Variants in AGBL4 observed in about 807,000 individuals in gnomAD.
AGBL4 encodes AGBL carboxypeptidase 4, also known as cytosolic carboxypeptidase 6.
Under a neutral mutation model 66.4 loss-of-function variants are expected in AGBL4, and 58 were observed. The ratio of observed to expected loss-of-function variants is 0.87; its 90% CI spans 0.71 to 1.09. The LOEUF (loss-of-function observed/expected upper bound fraction) is 1.09. Ranked by LOEUF, AGBL4 falls within the 50% of genes least tolerant of loss-of-function variation. The pLI, the probability that AGBL4 is intolerant of heterozygous loss-of-function variation, is 0.00. For synonymous variants in AGBL4, 234 were observed against 222.9 expected, an observed-to-expected ratio of 1.05 and a Z score of -0.44; for missense variants, 579 against 631.0, an observed-to-expected ratio of 0.92 and a Z score of 0.88.
chr1:49,075,929 A>T (rs1344701978), intron 4 of AGBL4, among the ~76,000 whole-genome samples: 3 of 152,222 alleles, frequency 2.0e-5, no homozygotes, highest in African/African-American at 7.2e-5. Flanking sequence ...AGAAATCAAC[A>T]AACTGTTGGG....
intron 5 of AGBL4, among the ~76,000 whole-genome samples, chr1:48,888,199 A>C (rs1435467807): frequency 6.6e-6 from 1 of 152,168 alleles, no homozygotes; most frequent in African/African-American, 2.4e-5. Context: ...AGGTCTTTAC[A>C]ATTCCAAAAT....
intron 6 of AGBL4, among the ~76,000 whole-genome samples, chr1:48,835,866 C>A (rs1467099848): frequency 1.3e-5 from 2 of 151,988 alleles, no homozygotes; most frequent in East Asian, 3.9e-4. Context: ...ATGTAAATCA[C>A]AGAAATTGGA....
intron 3 of AGBL4, among the ~76,000 whole-genome samples, chr1:49,490,981 A>G (rs1467407131): frequency 3.3e-5 from 5 of 151,738 alleles, no homozygotes; most frequent in Admixed American, 6.6e-5. Context: ...GAAAGAAAAA[A>G]TATCTACCTT....
At chr1:48,837,674 A>ACACACACACACG in intron 6 of AGBL4, among the ~76,000 whole-genome samples, 1 of 138,762 alleles carries the variant, frequency 7.2e-6, no homozygotes, top group African/African-American at 2.6e-5. Context: ...ACACACACAC[A>ACACACACACACG]CACACACACA....
rs144888154 is a variant in AGBL4, at chr1:49,471,674, A to G, written c.282+225639T>C. Among the ~76,000 whole-genome samples, 296 of 152,046 alleles carry G rather than the reference A, an allele frequency of 1.9e-3. 3 individuals are homozygous for G. Among genetic ancestry groups the G allele is most frequent in the Middle Eastern group, 3.4e-3 (1 of 294 alleles). On this transcript the variant is annotated intron_variant, in intron 3 of 13. Coordinates refer to ENST00000371839, the MANE Select transcript of AGBL4 (RefSeq NM_032785.4). Reference sequence around the variant, plus strand: ...TACAAACAAACAAAAGCCAACAAAAATCTGTTCCCTAGACAAAGGATCAGG... The same window carrying G: ...TACAAACAAACAAAAGCCAACAAAAGTCTGTTCCCTAGACAAAGGATCAGG...
chr1:49,604,022 G>A (rs1645018812), intron 3 of AGBL4, among the ~76,000 whole-genome samples: 1 of 151,062 alleles, frequency 6.6e-6, no homozygotes, highest in Non-Finnish European at 1.5e-5. Flanking sequence ...ACGGTGAATT[G>A]TGCTGTAATA....
intron 3 of AGBL4, among the ~76,000 whole-genome samples, chr1:49,619,403 AACTT>A (rs1210438024): frequency 6.6e-6 from 1 of 152,160 alleles, no homozygotes; most frequent in Non-Finnish European, 1.5e-5. Flanking sequence ...CTAGGAATCC[AACTT>A]ACAAGGGATG....
At chr1:49,741,800 C>G (rs1334668244) in intron 2 of AGBL4, among the ~76,000 whole-genome samples, 1 of 152,102 alleles carries the variant, frequency 6.6e-6, no homozygotes, top group Non-Finnish European at 1.5e-5. Context: ...AGACAAAAAC[C>G]ATATGATTAT....
intron 5 of AGBL4, among the ~76,000 whole-genome samples, chr1:49,045,188 C>A (rs539435706): frequency 1.3e-5 from 2 of 152,298 alleles, no homozygotes; most frequent in South Asian, 4.1e-4. Context: ...ATGTATTCTT[C>A]CTATCAGAGG....
intron 4 of AGBL4, among the ~76,000 whole-genome samples, chr1:49,048,706 A>C (rs1273951003): frequency 1.3e-5 from 2 of 151,940 alleles, no homozygotes; most frequent in East Asian, 3.9e-4. Flanking sequence ...CATTGTGTTA[A>C]GTGTTTTATA....
At chr1:48,928,591 G>T (rs1318054920) in intron 5 of AGBL4, among the ~76,000 whole-genome samples, 3 of 152,056 alleles carry the variant, frequency 2.0e-5, no homozygotes, top group African/African-American at 7.3e-5. Context: ...GAGAAGCAGG[G>T]GAGGACTGGA....
Position 49,426,520 on chromosome 1 carries a change from G to A in AGBL4, c.283-180656C>T, listed in dbSNP as rs927363924. On this transcript the variant is annotated intron_variant, in intron 3 of 13. Transcript: ENST00000371839. ...CAATAATATTAATAATAATTAATAA[G>A]AGCAATAGCTTCTGCCTATTTAATA... Among the ~76,000 whole-genome samples the A allele has an allele frequency of 4.6e-5, 7 of 152,162 alleles. No homozygotes were observed. In the South Asian group the frequency reaches 1.2e-3, roughly 27 times the overall value.
At chr1:48,868,278 C>T (rs1261245532) in intron 5 of AGBL4, among the ~76,000 whole-genome samples, 1 of 152,204 alleles carries the variant, frequency 6.6e-6, no homozygotes, top group East Asian at 1.9e-4. Context: ...ACCTCCCCTG[C>T]ATTTCCCTCT....
intron 6 of AGBL4, among the ~76,000 whole-genome samples, chr1:48,692,176 G>T (rs896330867): frequency 2.0e-5 from 3 of 152,210 alleles, no homozygotes; most frequent in African/African-American, 7.2e-5. Flanking sequence ...GAGATACAGG[G>T]GGAAGGGTGT....
intron 1 of AGBL4, among the ~76,000 whole-genome samples, chr1:50,022,857 C>A (rs1662553575): frequency 6.6e-6 from 1 of 152,168 alleles, no homozygotes; most frequent in South Asian, 2.1e-4. Flanking sequence ...GGCAAACTCC[C>A]TCCCACATAC....
At chr1:49,562,486 T>C (rs1211861522) in intron 3 of AGBL4, among the ~76,000 whole-genome samples, 1 of 152,194 alleles carries the variant, frequency 6.6e-6, no homozygotes, top group Non-Finnish European at 1.5e-5. Flanking sequence ...AATTTTTGTA[T>C]AAGGTGTAAG....
At chr1:49,006,307 T>C (rs1037715290) in intron 5 of AGBL4, among the ~76,000 whole-genome samples, 1 of 152,042 alleles carries the variant, frequency 6.6e-6, no homozygotes, top group Non-Finnish European at 1.5e-5. Flanking sequence ...CCGAATACTG[T>C]GCTTTTCCAA....
chr1:49,355,529 C>G (rs1644001818), intron 3 of AGBL4, among the ~76,000 whole-genome samples: 1 of 152,086 alleles, frequency 6.6e-6, no homozygotes, highest in African/African-American at 2.4e-5. Context: ...CCCAATCCCC[C>G]CAACATGAAA....
At chr1:49,485,712 T>A (rs1199295313) in intron 3 of AGBL4, among the ~76,000 whole-genome samples, 1 of 151,560 alleles carries the variant, frequency 6.6e-6, no homozygotes, top group Non-Finnish European at 1.5e-5. Flanking sequence ...TGAAATAAGC[T>A]AAGCACAGAA....
Sources: gnomAD v4.1 joint callset for allele counts (sites outside exome capture counted in the v4.1 genomes callset) on GRCh38, gnomAD v4.1.1 for gene constraint, MANE v1.5 for transcripts, NCBI Gene and HGNC (gene_info 2026-07-23, HGNC 2026-07-21) for gene names.